The following STPG2 variants were observed in gnomAD, a reference collection of about 807,000 sequenced individuals.
STPG2 encodes the protein sperm tail PG-rich repeat containing 2, also known as sperm-tail PG-rich repeat-containing protein 2.
Under a neutral mutation model 54.2 loss-of-function variants are expected in STPG2, and 56 were observed. The ratio of observed to expected loss-of-function variants is 1.03; its 90% confidence interval spans 0.83 to 1.29. The LOEUF (loss-of-function observed/expected upper bound fraction) is 1.29. Among genes scored for constraint, STPG2 ranks in the 50% most tolerant of loss-of-function variants. The pLI is 0.00. For missense variants in STPG2, 596 were observed against 544.9 expected (o/e 1.09, Z -0.93); for synonymous variants, 200 against 181.8 (o/e 1.10, Z -0.81).
Position 97,702,024 on chromosome 4 carries a change from C to G in STPG2, c.1320+10675G>C, listed in dbSNP as rs114534750. 1.7e-3 allele frequency among the ~76,000 whole-genome samples: 265 copies of G among 152,280 alleles called. 2 individuals carry two copies. Among genetic ancestry groups the G allele is most frequent in the African/African-American group, 5.9e-3 (246 of 41,566 alleles). On this transcript the variant is annotated intron_variant, in intron 10 of 10. Coordinates refer to ENST00000295268, the MANE Select transcript of STPG2 (RefSeq NM_174952.3). ...CTACCCTCACAAATCTGTTTCACAA[C>G]GCATTGTTCAGGGGATGTCTTCTGG... is the stretch of plus-strand genomic sequence containing the variant.
chr4:97,983,992 C>T (rs1178651121), intron 5 of STPG2, among the ~76,000 whole-genome samples: 2 of 152,138 alleles, frequency 1.3e-5, no homozygotes, highest in Non-Finnish European at 2.9e-5. Flanking sequence ...TCACCTCCTC[C>T]AATCCATATT....
At chr4:97,807,818 T>C (rs934714627) in intron 9 of STPG2, among the ~76,000 whole-genome samples, 3 of 151,726 alleles carry the variant, frequency 2.0e-5, no homozygotes, top group Non-Finnish European at 2.9e-5. Context: ...AGGATAAGGA[T>C]ACAAAAAACA....
intron 5 of STPG2, among the ~76,000 whole-genome samples, chr4:98,071,924 T>G (rs1738015930): frequency 6.6e-6 from 1 of 151,926 alleles, no homozygotes; most frequent in Non-Finnish European, 1.5e-5. Context: ...GCTGGCAAGG[T>G]TGTGGAGAGA....
intron 9 of STPG2, among the ~76,000 whole-genome samples, chr4:97,835,559 A>C (rs192476056): frequency 1.3e-5 from 2 of 152,232 alleles, no homozygotes; most frequent in African/African-American, 4.8e-5. Context: ...CAAGGAAATT[A>C]GTGTTATTTT....
intron 4 of STPG2, among the ~76,000 whole-genome samples, chr4:97,450,249 G>T (rs1175433838): frequency 6.6e-6 from 1 of 152,088 alleles, no homozygotes; most frequent in Non-Finnish European, 1.5e-5. Flanking sequence ...AAGAAAAACT[G>T]GGAAACTTCC....
At chr4:97,442,853 G>A (rs1729124674) in intron 4 of STPG2, among the ~76,000 whole-genome samples, 1 of 152,150 alleles carries the variant, frequency 6.6e-6, no homozygotes, top group Non-Finnish European at 1.5e-5. Context: ...TTAAAAGGGT[G>A]TGTGCTTTTT....
chr4:97,767,163 A>G (rs1296214265), intron 9 of STPG2, among the ~76,000 whole-genome samples: 2 of 152,168 alleles, frequency 1.3e-5, no homozygotes, highest in African/African-American at 2.4e-5. Context: ...AATTTGAGAA[A>G]GAAGCTTTAT....
intron 8 of STPG2, among the ~76,000 whole-genome samples, chr4:97,882,659 T>C (rs936684565): frequency 6.6e-6 from 1 of 152,026 alleles, no homozygotes; most frequent in Admixed American, 6.6e-5. Context: ...AAAAGAAATA[T>C]TGAAGAAAAA....
At chr4:97,933,721 T>C (rs893964311) in intron 8 of STPG2, among the ~76,000 whole-genome samples, 2 of 152,222 alleles carry the variant, frequency 1.3e-5, no homozygotes, top group African/African-American at 4.8e-5. Flanking sequence ...CGTTGATCTA[T>C]GTGTCTCCTT....
chr4:97,881,087 T>G (rs1369960506), intron 8 of STPG2, among the ~76,000 whole-genome samples: 2 of 148,242 alleles, frequency 1.3e-5, no homozygotes, highest in Non-Finnish European at 3.0e-5. Flanking sequence ...GGCATACATG[T>G]AAAGAAAAAA....
At chr4:97,847,425 T>C (rs7434393) in intron 8 of STPG2, among the ~76,000 whole-genome samples, 88,650 of 151,930 alleles carry the variant, frequency 0.58, 26,434 homozygotes, top group East Asian at 0.74. Context: ...GTAAGTAGTA[T>C]GTAAAAATGG....
chr4:97,623,180 A>C (rs1734055682), intron 10 of STPG2, among the ~76,000 whole-genome samples: 1 of 152,188 alleles, frequency 6.6e-6, no homozygotes, highest in Non-Finnish European at 1.5e-5. Context: ...TAACCTAGGA[A>C]ATATGCTTTG....
chr4:97,510,314 C>G (rs1175259292), intron 4 of STPG2, among the ~76,000 whole-genome samples: 1 of 152,054 alleles, frequency 6.6e-6, no homozygotes, highest in African/African-American at 2.4e-5. Flanking sequence ...TATAGCAAAT[C>G]ATTACAACAA....
intron 10 of STPG2, among the ~76,000 whole-genome samples, chr4:97,660,869 C>T (rs565330715): frequency 1.3e-5 from 2 of 152,078 alleles, no homozygotes; most frequent in African/African-American, 4.8e-5. Flanking sequence ...TTTTCAATTA[C>T]AATAATTTCA....
intron 5 of STPG2, among the ~76,000 whole-genome samples, chr4:98,070,009 G>A (rs1011219612): frequency 6.6e-6 from 1 of 151,920 alleles, no homozygotes; most frequent in Non-Finnish European, 1.5e-5. Flanking sequence ...AATTGAAAAG[G>A]AGGGACTCCT....
chr4:97,645,483 A>G (rs1232354144), intron 10 of STPG2, among the ~76,000 whole-genome samples: 1 of 152,134 alleles, frequency 6.6e-6, no homozygotes, highest in African/African-American at 2.4e-5. Context: ...AGTTGCAAAT[A>G]CTGTATCCAG....
At chr4:97,985,629 A>T (rs544849789) in intron 5 of STPG2, among the ~76,000 whole-genome samples, 11 of 152,142 alleles carry the variant, frequency 7.2e-5, no homozygotes, top group Non-Finnish European at 1.5e-4. Context: ...GTATCTATTC[A>T]TATTCAAATA....
At chr4:97,636,259 T>C (rs954607662) in intron 10 of STPG2, among the ~76,000 whole-genome samples, 2 of 145,568 alleles carry the variant, frequency 1.4e-5, no homozygotes, top group African/African-American at 5.1e-5. Flanking sequence ...CATAACGAAA[T>C]GAAGGCAGAA....
At chr4:97,634,609 G>A (rs1295954659) in intron 10 of STPG2, among the ~76,000 whole-genome samples, 5 of 150,746 alleles carry the variant, frequency 3.3e-5, no homozygotes, top group South Asian at 2.1e-4. Flanking sequence ...TTAGAAGAAT[G>A]TATAACTAGA....
Sources: gnomAD v4.1 joint callset for allele counts (sites outside exome capture counted in the v4.1 genomes callset) on GRCh38, gnomAD v4.1.1 for gene constraint, MANE v1.5 for transcripts, NCBI Gene and HGNC (gene_info 2026-07-23, HGNC 2026-07-21) for gene names.